NAPB: variants seen among roughly 807,000 people sequenced by gnomAD.
The protein encoded by NAPB is NSF attachment protein beta, also known as beta-soluble NSF attachment protein.
Under a neutral mutation model 44.7 loss-of-function variants are expected in NAPB, and 26 were observed. The observed-to-expected ratio is 0.58, with a 90% CI of 0.43 to 0.81. NAPB has a LOEUF of 0.81. Ranked by LOEUF, NAPB falls within the 30% of genes least tolerant of loss-of-function variation. NAPB has a pLI of 0.00. For missense variants in NAPB, 315 were observed against 356.4 expected (o/e 0.88, Z 0.94); for synonymous variants, 120 against 116.8 (o/e 1.03, Z -0.18).
In NAPB at chr20:23,375,664, G is replaced by T. The variant is rs1210568695; in HGVS notation, c.*1712C>A. The T allele has an allele frequency of 6.6e-6, 1 of 152,210 alleles. No homozygotes were observed. The highest frequency in any genetic ancestry group is 1.5e-5 in the Non-Finnish European group (1 of 68,074). The allele number at this position is 152,210 out of a possible 1,614,324, so 9.4% of individuals were successfully genotyped here. A position where few individuals can be genotyped will look rare whatever the true frequency, so the allele number is the denominator to read the frequency against. On this transcript the variant is annotated 3_prime_UTR_variant, in exon 11 of 11. Transcript: ENST00000377026. ...TAAGAATCTCAGAACTTGGAAGGAA[G>T]GAGGAAATCCACATTAAATTCTAGG...
intron 1 of NAPB, among the ~76,000 whole-genome samples, chr20:23,419,702 T>A (rs1186710832): frequency 1.3e-5 from 2 of 152,258 alleles, no homozygotes; most frequent in Non-Finnish European, 2.9e-5. Context: ...TCATAACTTT[T>A]AAATGCAAAA....
In NAPB at chr20:23,376,731, C is replaced by CT. The variant is rs1277720490; in HGVS notation, c.*644dup. ...AGTACAAATCAAATTCACTTTGACA[C>CT]TCATCCATACATGAAGCAAGTACTT... On this transcript the variant is annotated 3_prime_UTR_variant, in exon 11 of 11. Coordinates refer to ENST00000377026, the MANE Select transcript of NAPB (RefSeq NM_022080.3). 16 of 152,334 alleles carry CT rather than the reference C, an allele frequency of 1.1e-4. No homozygotes were observed. The highest frequency in any genetic ancestry group is 3.4e-3 in the Middle Eastern group (1 of 294). The allele number at this position is 152,334 out of a possible 1,614,324, so 9.4% of individuals were successfully genotyped here. A position where few individuals can be genotyped will look rare whatever the true frequency, so the allele number is the denominator to read the frequency against.
intron 1 of NAPB, among the ~76,000 whole-genome samples, chr20:23,404,006 G>A (rs896776573): frequency 1.3e-5 from 2 of 152,104 alleles, no homozygotes; most frequent in African/African-American, 2.4e-5. Flanking sequence ...CTGAGAGAAG[G>A]GTACCTCCAC....
intron 10 of NAPB, among the ~76,000 whole-genome samples, chr20:23,378,214 C>CA: frequency 6.6e-6 from 1 of 150,612 alleles, no homozygotes; most frequent in Non-Finnish European, 1.5e-5. Context: ...GTCCCAGGTA[C>CA]TTAGGAGTCT....
intron 1 of NAPB, among the ~76,000 whole-genome samples, chr20:23,410,458 G>A (rs144955776): frequency 0.02 from 3,093 of 152,232 alleles, 85 homozygotes; most frequent in African/African-American, 0.071. Flanking sequence ...ACCAAATACC[G>A]CATGTTTTCA....
intron 1 of NAPB, among the ~76,000 whole-genome samples, chr20:23,419,296 G>A (rs552727351): frequency 6.6e-6 from 1 of 152,328 alleles, no homozygotes; most frequent in South Asian, 2.1e-4. Context: ...GTAACTGAGT[G>A]TGAATGGTGA....
rs182784427 is a variant in NAPB, at chr20:23,375,364, T to C, written c.*2012A>G. ...AACATAATTGCCCGAAAATAAATCA[T>C]GTAGTTTTTACTTTAAGTGGTCAGA... On this transcript the variant is annotated 3_prime_UTR_variant, in exon 11 of 11. Coordinates refer to ENST00000377026, the MANE Select transcript of NAPB (RefSeq NM_022080.3). 2.0e-5 allele frequency: 3 copies of C among 152,296 alleles called. No individual in the cohort carries two copies. Among genetic ancestry groups the C allele is most frequent in the African/African-American group, 4.8e-5 (2 of 41,544 alleles). 9.4% of individuals were successfully genotyped at this position (152,296 alleles called of 1,614,324 possible).
chr20:23,381,465 T>C (rs1983000522), intron 7 of NAPB, 148 bp from the exon 8 acceptor site: 1 of 526,926 alleles, frequency 1.9e-6, no homozygotes, highest in Non-Finnish European at 3.3e-6. Context: ...TACCATATAG[T>C]AGAAATTTTA....
intron 1 of NAPB, among the ~76,000 whole-genome samples, chr20:23,417,080 ATTC>A (rs1222880135): frequency 7.2e-6 from 1 of 139,830 alleles, no homozygotes; most frequent in Non-Finnish European, 1.5e-5. Flanking sequence ...TTCCACTGGC[ATTC>A]TTTTTTTTTT....
At position 23,377,584 on chromosome 20, in the gene NAPB, TCTA is replaced by T. The variant is rs1982621376; in HGVS notation, c.787-101_787-99del. 7.6e-6 allele frequency: 4 copies of T among 523,002 alleles called. No homozygotes were observed. In the Middle Eastern group the frequency reaches 8.8e-4, roughly 115 times the overall value. 32.4% of individuals were successfully genotyped at this position (523,002 alleles called of 1,614,324 possible). A position where few individuals can be genotyped will look rare whatever the true frequency, so the allele number is the denominator to read the frequency against. On this transcript the variant is annotated intron_variant, in intron 10 of 10. Coordinates refer to ENST00000377026, the MANE Select transcript of NAPB (RefSeq NM_022080.3). ...GCTGTTTATACCTTTACAGCCATAA[TCTA>T]CTAACTTTCTTCATCATTTGAAATT... is the stretch of plus-strand genomic sequence containing the variant.
chr20:23,412,572 T>TA lies in NAPB; in HGVS notation c.98+8732dup, dbSNP rs201127496. Among the ~76,000 whole-genome samples the TA allele has an allele frequency of 7.8e-3, 1,181 of 152,174 alleles. 20 individuals carry two copies. The highest frequency in any genetic ancestry group is 0.027 in the African/African-American group (1,104 of 41,530). On this transcript the variant is annotated intron_variant, in intron 1 of 10. Transcript: ENST00000377026. ...TTGCAAACGTTAAAAAAGATAGAAA[T>TA]ACACTTATAAGAAAGCAGATATTAA... is the stretch of plus-strand genomic sequence containing the variant.
intron 2 of NAPB, among the ~76,000 whole-genome samples, chr20:23,398,260 G>C (rs1984525021): frequency 6.6e-6 from 1 of 152,152 alleles, no homozygotes; most frequent in African/African-American, 2.4e-5. Flanking sequence ...GAAAAGCATG[G>C]TTAAGAATAT....
At chr20:23,406,107 T>C (rs1017170221) in intron 1 of NAPB, among the ~76,000 whole-genome samples, 2 of 152,170 alleles carry the variant, frequency 1.3e-5, no homozygotes, top group Non-Finnish European at 1.5e-5. Context: ...TCTTCTACCA[T>C]GTGAAGACAA....
At chr20:23,392,941 G>C (rs1478566886) in intron 5 of NAPB, among the ~76,000 whole-genome samples, 3 of 152,148 alleles carry the variant, frequency 2.0e-5, no homozygotes, top group Non-Finnish European at 4.4e-5. Context: ...AGCACTGCAG[G>C]CTCCTGCCCC....
chr20:23,396,921 T>G, intron 3 of NAPB, 151 bp downstream of exon 3: 2 of 749,708 alleles, frequency 2.7e-6, no homozygotes, highest in South Asian at 8.2e-5. Flanking sequence ...GAAAAATCCC[T>G]AAGGTTATCA....
At chr20:23,404,969 C>G (rs370537507) in intron 1 of NAPB, among the ~76,000 whole-genome samples, 3 of 152,166 alleles carry the variant, frequency 2.0e-5, no homozygotes, top group Admixed American at 6.5e-5. Context: ...TACCATATAA[C>G]CCAGCAATTC....
At chr20:23,389,891 A>C in intron 7 of NAPB, 55 bp downstream of exon 7, 1 of 1,513,202 alleles carries the variant, frequency 6.6e-7, no homozygotes, top group Non-Finnish European at 9.1e-7. Flanking sequence ...TAAAAAGTTT[A>C]ATTTTGAAAA....
intron 7 of NAPB, 105 bp downstream of exon 7, chr20:23,389,841 A>G: frequency 1.1e-6 from 1 of 926,664 alleles, no homozygotes; most frequent in South Asian, 1.5e-5. Context: ...AACTGTACTC[A>G]TTACGTGATG....
At position 23,394,955 on chromosome 20, in the gene NAPB, C is replaced by T. The variant is rs143876633; in HGVS notation, c.387G>A (p.Glu129=). Residue 129 remains glutamate (E), a synonymous_variant, in exon 5 of 11, where the codon GAG becomes GAA. Coordinates refer to ENST00000377026, the MANE Select transcript of NAPB (RefSeq NM_022080.3). The part of the protein sequence containing the change: ...IAAKHHITIA[E]IYETELVDIE... Reference sequence around the variant, plus strand: ...TGTCTACAAGTTCAGTCTCATAGATCTCTGCAATAGTAATGTGGTGCTTGG... The same window carrying T: ...TGTCTACAAGTTCAGTCTCATAGATTTCTGCAATAGTAATGTGGTGCTTGG... The T allele has an allele frequency of 1.2e-6, 2 of 1,614,052 alleles. No individual in the cohort carries two copies. Among genetic ancestry groups the T allele is most frequent in the Non-Finnish European group, 1.7e-6 (2 of 1,180,030 alleles).
Sources: allele counts gnomAD v4.1 joint callset (sites outside exome capture counted in the v4.1 genomes callset), GRCh38; gene constraint gnomAD v4.1.1; transcripts MANE v1.5; gene names NCBI Gene and HGNC (gene_info 2026-07-23, HGNC 2026-07-21).